The following MTERF4 variants were observed in gnomAD, a reference collection of about 807,000 sequenced individuals.
MTERF4 encodes the protein transcription termination factor 4, mitochondrial.
Under a neutral mutation model 22.5 loss-of-function variants are expected in MTERF4, and 17 were observed. The ratio of observed to expected loss-of-function variants is 0.75; its 90% CI spans 0.52 to 1.13. The LOEUF (loss-of-function observed/expected upper bound fraction) is 1.13, where lower values mean the gene tolerates loss of function less well. MTERF4 is among the 50% of genes most tolerant of loss of function. The pLI, the probability that MTERF4 is intolerant of heterozygous loss-of-function variation, is 0.00. For missense variants in MTERF4, 420 were observed against 466.8 expected (o/e 0.90, Z 0.92); for synonymous variants, 165 against 175.3 (o/e 0.94, Z 0.47).
the MTERF4 span, chr2:241,050,049 G>A: frequency 1.3e-6 from 1 of 779,350 alleles, no homozygotes; most frequent in South Asian, 1.5e-5. Flanking sequence ...ACCTCGTCTA[G>A]AGCCTTGCCT....
chr2:241,083,282 G>A (rs2125311968), downstream of MTERF4, among the ~76,000 whole-genome samples: 1 of 152,286 alleles, frequency 6.6e-6, no homozygotes, highest in East Asian at 1.9e-4. Flanking sequence ...AGTCAGGAGT[G>A]TCCCTGGCAT....
At chr2:241,052,483 GGGATCAAGCA>G in the MTERF4 span, 3,423 of 1,586,354 alleles carry the variant, frequency 2.2e-3, 108 homozygotes, top group African/African-American at 0.036. Flanking sequence ...GAGGGTCAGG[GGGATCAAGCA>G]GGGTACATGG....
At chr2:241,066,667 C>G in the MTERF4 span, among the ~76,000 whole-genome samples, 1 of 152,104 alleles carries the variant, frequency 6.6e-6, no homozygotes, top group African/African-American at 2.4e-5. Flanking sequence ...TTCAGGGAGG[C>G]CTAAGCATCC....
downstream of MTERF4, chr2:241,082,328 C>A: frequency 6.2e-7 from 1 of 1,613,670 alleles, no homozygotes; most frequent in Non-Finnish European, 8.5e-7. Flanking sequence ...GAGACAAAGG[C>A]CTTTCCAGTC....
At chr2:241,056,580 A>T in the MTERF4 span, among the ~76,000 whole-genome samples, 361 of 111,230 alleles carry the variant, frequency 3.2e-3, 4 homozygotes, top group African/African-American at 0.012. Flanking sequence ...AATAAGTGAA[A>T]TTTTTTTTTT....
downstream of MTERF4, chr2:241,071,984 C>A: frequency 1.0e-6 from 1 of 998,298 alleles, no homozygotes; most frequent in Non-Finnish European, 1.5e-6. Context: ...CCACCGCCAG[C>A]GCAGTCTCCA....
the MTERF4 span, chr2:241,062,747 T>C: frequency 7.3e-7 from 1 of 1,360,888 alleles, no homozygotes; most frequent in South Asian, 1.2e-5. Flanking sequence ...TAATTTGGCT[T>C]AATCGTGGCC....
At chr2:241,088,431 C>T (rs913462110), downstream of MTERF4, 1 of 1,590,086 alleles carries the variant, frequency 6.3e-7, no homozygotes, top group Non-Finnish European at 8.6e-7. Flanking sequence ...CGCCCCACTA[C>T]CACAGAGCTG....
chr2:241,064,054 G>A, the MTERF4 span: 90 of 1,566,334 alleles, frequency 5.7e-5, no homozygotes, highest in African/African-American at 9.1e-4. This position sits in a 1 kb window ranked among gnomAD's most constrained non-coding sequence, Gnocchi z 7.0. Flanking sequence ...CATGGAGGCC[G>A]GTGTGAGAGC....
At chr2:241,087,463 A>G, downstream of MTERF4, 1 of 1,602,870 alleles carries the variant, frequency 6.2e-7, no homozygotes, top group Non-Finnish European at 8.5e-7. Context: ...AGCCTCAAGA[A>G]GACCCCAAAC....
At chr2:241,052,394 G>A in the MTERF4 span, 2 of 1,594,110 alleles carry the variant, frequency 1.3e-6, no homozygotes, top group Non-Finnish European at 8.6e-7. Context: ...GTGAATGGGG[G>A]CACCTGCGAG....
chr2:241,101,274 G>C, intron 1 of MTERF4: 1 of 437,004 alleles, frequency 2.3e-6, no homozygotes, highest in Non-Finnish European at 4.9e-6. Flanking sequence ...TTCTCATAAG[G>C]AGCGCAACCT....
At chr2:241,047,538 T>C in the MTERF4 span, among the ~76,000 whole-genome samples, 4 of 152,262 alleles carry the variant, frequency 2.6e-5, no homozygotes, top group Non-Finnish European at 4.4e-5. Flanking sequence ...TTGGCCATCA[T>C]AGGCCATATT....
chr2:241,065,008 C>A, the MTERF4 span: 1 of 1,344,804 alleles, frequency 7.4e-7, no homozygotes, highest in Non-Finnish European at 1.0e-6. Flanking sequence ...GGTCCCCTCT[C>A]CCTAGAGGGC....
chr2:241,064,106 C>T, the MTERF4 span: 5 of 1,564,092 alleles, frequency 3.2e-6, no homozygotes, highest in Non-Finnish European at 1.7e-6. This position sits in a 1 kb window ranked among gnomAD's most constrained non-coding sequence, Gnocchi z 7.0. Context: ...AGAGCTTCTT[C>T]GGCTACCACT....
the MTERF4 span, among the ~76,000 whole-genome samples, chr2:241,056,242 T>A: frequency 6.6e-6 from 1 of 152,136 alleles, no homozygotes. Flanking sequence ...ATAGAAAATC[T>A]AGAACTGAAA....
the MTERF4 span, chr2:241,048,892 G>A: frequency 8.5e-6 from 10 of 1,174,020 alleles, no homozygotes; most frequent in Non-Finnish European, 1.1e-5. Context: ...CCACCCAGGA[G>A]GGACTGGCCA....
At chr2:241,062,959 C>T in the MTERF4 span, 11 of 1,179,912 alleles carry the variant, frequency 9.3e-6, no homozygotes, top group African/African-American at 1.7e-4. Flanking sequence ...TGGCCATGTG[C>T]CTGAGGCACT....
chr2:241,078,487 G>C (rs1435059739), intron 4 of MTERF4, among the ~76,000 whole-genome samples: 1 of 151,844 alleles, frequency 6.6e-6, no homozygotes, highest in East Asian at 1.9e-4. Context: ...CATGCTGCAT[G>C]CTACAACATG....
Sources: gnomAD v4.1 joint callset for allele counts (sites outside exome capture counted in the v4.1 genomes callset) on GRCh38, gnomAD v4.1.1 for gene constraint, Gnocchi (gnomAD v3.1) non-coding constraint, MANE v1.5 for transcripts, NCBI Gene and HGNC (gene_info 2026-07-23, HGNC 2026-07-21) for gene names.